GTF3C2: variants seen among roughly 807,000 people sequenced by gnomAD.
GTF3C2 encodes the protein general transcription factor 3C polypeptide 2.
In GTF3C2, 17 loss-of-function variants were observed where a neutral mutation model predicts 117.4. That is an observed-to-expected ratio of 0.14 (90% CI 0.10 to 0.22). The LOEUF is 0.22. Ranked by LOEUF, GTF3C2 falls within the 10% of genes least tolerant of loss-of-function variation. The pLI, the probability that GTF3C2 is intolerant of heterozygous loss-of-function variation, is 1.00. For missense variants in GTF3C2, 888 were observed against 1,143.6 expected, an observed-to-expected ratio of 0.78 and a Z score of 3.22; for synonymous variants, 437 against 427.0, an observed-to-expected ratio of 1.02 and a Z score of -0.29.
At position 27,327,885 on chromosome 2, in the gene GTF3C2, C is replaced by T. The variant is rs554994839; in HGVS notation, c.2409+152G>A. The stretch of plus-strand genomic sequence containing the variant: ...TTGTGATCTGCCCGCCTAATCCCCC[C>T]AAACTGCTGGGATTACAGGCATGAG... On this transcript the variant is annotated intron_variant, in intron 17 of 18. Transcript: ENST00000264720. 2,314 of 591,536 alleles carry T rather than the reference C, an allele frequency of 3.9e-3. 8 individuals are homozygous for T. The highest frequency in any genetic ancestry group is 5.7e-3 in the Middle Eastern group (13 of 2,282). 36.6% of individuals were successfully genotyped at this position (591,536 alleles called of 1,614,324 possible).
chr2:27,342,770 C>G, intron 3 of GTF3C2, 56 bp downstream of exon 3: 2 of 1,311,690 alleles, frequency 1.5e-6, no homozygotes, highest in Non-Finnish European at 2.2e-6. Flanking sequence ...ACATCTGCCC[C>G]ACCCTGATCC....
chr2:27,337,866 C>T (rs932111829), intron 5 of GTF3C2, 60 bp downstream of exon 5: 10 of 960,484 alleles, frequency 1.0e-5, no homozygotes, highest in Admixed American at 1.7e-5. Flanking sequence ...ACTTCAATAC[C>T]GCCCTTGCAC....
chr2:27,355,147 T>A (rs574756071), intron 1 of GTF3C2, among the ~76,000 whole-genome samples: 12 of 152,344 alleles, frequency 7.9e-5, no homozygotes, highest in African/African-American at 2.9e-4. Context: ...CCACTCTATT[T>A]ATTTGCACTG....
rs566524124 is a variant in GTF3C2 at position 27,336,564 on chromosome 2, G to C, written c.1128-139C>G. Reference sequence around the variant, plus strand: ...CAAAAACAGTTTACAAGTGAGAACAGAGTCCTTGGCTTCCACTTGTATCTT... The same window carrying C: ...CAAAAACAGTTTACAAGTGAGAACACAGTCCTTGGCTTCCACTTGTATCTT... On this transcript the variant is annotated intron_variant, in intron 7 of 18. Coordinates refer to ENST00000264720, the Ensembl canonical transcript of GTF3C2. 2.1e-5 allele frequency: 13 copies of C among 607,548 alleles called. No homozygotes were observed. The African/African-American group carries it at 2.2e-4, about 10-fold the overall frequency. The allele number at this position is 607,548 out of a possible 1,614,324, so 37.6% of individuals were successfully genotyped here. A position where few individuals can be genotyped will look rare whatever the true frequency, so the allele number is the denominator to read the frequency against.
rs143065855 is a variant in GTF3C2 at position 27,343,100 on chromosome 2, G to A, written c.295C>T (p.Pro99Ser). The change falls in exon 3 of 19, where the codon CCT becomes TCT. Residue 99 changes from proline to serine, a missense_variant. Around this residue, in one of 7 missense-constraint regions of GTF3C2, gnomAD observed 393 missense variants for 401.5 expected, o/e 0.98. Coordinates refer to ENST00000264720, the Ensembl canonical transcript of GTF3C2. Reference sequence around the variant, plus strand: ...GTCCTACCACCTCTCTTCCGGCCAGGCTTTGAGGCCCTAGGCTTTGAGACC... The same window carrying A: ...GTCCTACCACCTCTCTTCCGGCCAGACTTTGAGGCCCTAGGCTTTGAGACC... 2.2e-5 allele frequency: 36 copies of A among 1,608,216 alleles called. No individual in the cohort carries two copies. The African/African-American group carries it at 4.6e-4, about 20-fold the overall frequency.
chr2:27,336,299 G>A, exon 8 of GTF3C2: 1 of 1,613,996 alleles, frequency 6.2e-7, no homozygotes, highest in Non-Finnish European at 8.5e-7. Flanking sequence ...CAGGGCTGGA[G>A]AAAAGAGCCA....
intron 15 of GTF3C2, 102 bp from the exon 16 acceptor site, chr2:27,328,698 GTT>G: frequency 8.6e-7 from 1 of 1,162,000 alleles, no homozygotes; most frequent in Non-Finnish European, 1.3e-6. Flanking sequence ...ACAAAAATGA[GTT>G]TACCATAACC....
intron 4 of GTF3C2, chr2:27,341,638 T>C: frequency 3.7e-6 from 1 of 270,940 alleles, no homozygotes; most frequent in South Asian, 9.1e-5. Context: ...CTAAATCATT[T>C]TGTTCACTCC....
In GTF3C2 at chr2:27,342,532, A is replaced by C. The variant is rs1417758303; in HGVS notation, c.569+294T>G. The C allele has an allele frequency of 1.1e-5, 6 of 543,082 alleles. No individual in the cohort carries two copies. In the East Asian group the frequency reaches 1.5e-4, roughly 14 times the overall value. 33.6% of individuals were successfully genotyped at this position (543,082 alleles called of 1,614,324 possible). A position where few individuals can be genotyped will look rare whatever the true frequency, so the allele number is the denominator to read the frequency against. On this transcript the variant is annotated intron_variant, in intron 3 of 18. Coordinates refer to ENST00000264720, the Ensembl canonical transcript of GTF3C2. The stretch of plus-strand genomic sequence containing the variant: ...CACAGAGGGCAAGAGAAAGAATGGA[A>C]CAGAATATATATACTGACATATACT...
chr2:27,342,747 T>C (rs1331953865), intron 3 of GTF3C2, 79 bp downstream of exon 3: 38 of 1,076,168 alleles, frequency 3.5e-5, no homozygotes, highest in Non-Finnish European at 5.0e-5. Flanking sequence ...ACCTCATCAG[T>C]CTTCTCTCTC....
intron 1 of GTF3C2, among the ~76,000 whole-genome samples, chr2:27,345,580 G>C (rs914407649): frequency 6.6e-6 from 1 of 152,056 alleles, no homozygotes; most frequent in Non-Finnish European, 1.5e-5. Context: ...GTGACAGAGT[G>C]AGACTCTGTC....
At chr2:27,340,190 T>A (rs1397126304) in intron 4 of GTF3C2, 2 of 152,102 alleles carry the variant, frequency 1.3e-5, no homozygotes, top group Admixed American at 1.3e-4. Flanking sequence ...TTCCATTATG[T>A]GAGAGAACAC....
Position 27,332,618 on chromosome 2 carries a change from G to A in GTF3C2, c.1732+1037C>T, listed in dbSNP as rs1680317408. Among the ~76,000 whole-genome samples, 9 of 151,732 alleles carry A rather than the reference G, an allele frequency of 5.9e-5. No individual in the cohort carries two copies. In the South Asian group the frequency reaches 1.9e-3, roughly 32 times the overall value. On this transcript the variant is annotated intron_variant, in intron 12 of 18. Transcript: ENST00000264720. The stretch of plus-strand genomic sequence containing the variant: ...TTTAGTAGAGATGGGGTTTCACCGT[G>A]TTAGCCAGGATGGTCTCGATATCCT...
At chr2:27,339,084 A>C (rs1328187408) in intron 4 of GTF3C2, among the ~76,000 whole-genome samples, 1 of 152,176 alleles carries the variant, frequency 6.6e-6, no homozygotes, top group Non-Finnish European at 1.5e-5. Context: ...TTAGAGCATG[A>C]GGCAAATGGA....
intron 4 of GTF3C2, among the ~76,000 whole-genome samples, chr2:27,338,583 T>C (rs973304720): frequency 2.0e-5 from 3 of 152,158 alleles, no homozygotes; most frequent in Non-Finnish European, 4.4e-5. Flanking sequence ...CAGGCTGGAG[T>C]GCAGTGGCGC....
At chr2:27,356,400 T>A (rs994392351) in intron 1 of GTF3C2, 2 of 268,562 alleles carry the variant, frequency 7.4e-6, no homozygotes, top group Non-Finnish European at 1.6e-5. Flanking sequence ...AGAGGAGCCC[T>A]GGTTTTTCTA....
chr2:27,333,210 G>A (rs566220123), intron 12 of GTF3C2, among the ~76,000 whole-genome samples: 2 of 150,006 alleles, frequency 1.3e-5, no homozygotes, highest in South Asian at 4.3e-4. Flanking sequence ...GCCCAGGCTG[G>A]AGTGCAGGGG....
Position 27,355,120 on chromosome 2 carries a change from G to A in GTF3C2, c.-25+1619C>T, listed in dbSNP as rs184112424. On this transcript the variant is annotated intron_variant, in intron 1 of 18. Transcript: ENST00000264720. ...CTTTTTAATTTTCGCCAATCTGATA[G>A]GTGAAAGAATTCTTCCCCACTCTAT... Among the ~76,000 whole-genome samples, 154 of 152,250 alleles carry A rather than the reference G, an allele frequency of 1.0e-3. 2 individuals carry two copies. The highest frequency in any genetic ancestry group is 1.6e-3 in the Non-Finnish European group (109 of 68,014).
chr2:27,336,625 ATTAT>A (rs1354121775), intron 7 of GTF3C2, 200 bp from the exon 8 acceptor site: 4 of 531,218 alleles, frequency 7.5e-6, no homozygotes, highest in Admixed American at 3.3e-5. Context: ...TTATATTATT[ATTAT>A]TTGAGATGGG....
Sources: allele counts gnomAD v4.1 joint callset (sites outside exome capture counted in the v4.1 genomes callset), GRCh38; gene constraint gnomAD v4.1.1; regional missense constraint gnomAD v4.1.1; transcripts MANE v1.5; gene names NCBI Gene and HGNC (gene_info 2026-07-23, HGNC 2026-07-21).